CDH3: variants seen among roughly 807,000 people sequenced by gnomAD.
CDH3 encodes the protein cadherin-3.
Under a neutral mutation model 82.0 loss-of-function variants are expected in CDH3, and 54 were observed. The ratio of observed to expected loss-of-function variants is 0.66; its 90% CI spans 0.53 to 0.83. The LOEUF (loss-of-function observed/expected upper bound fraction) is 0.83. Ranked by LOEUF, CDH3 falls within the 40% of genes least tolerant of loss-of-function variation. CDH3 has a pLI of 0.00. For missense variants in CDH3, 1,054 were observed against 1,084.6 expected (o/e 0.97, Z 0.40); for synonymous variants, 446 against 437.9 (o/e 1.02, Z -0.23).
chr16:68,646,066 G>A (rs1248857948), intron 2 of CDH3: 6 of 401,610 alleles, frequency 1.5e-5, no homozygotes, highest in African/African-American at 4.1e-5. Context: ...CCCCAGCAGA[G>A]GAATGCGCCG....
At chr16:68,684,461 C>A in intron 9 of CDH3, 122 bp from the exon 10 acceptor site, 1 of 1,103,322 alleles carries the variant, frequency 9.1e-7, no homozygotes, top group Non-Finnish European at 1.4e-6. Context: ...AAGGGCAGCA[C>A]TGTTGCTAGT....
chr16:68,720,954 A>G (rs964902380), intron 1 of CDH3, among the ~76,000 whole-genome samples: 7 of 152,066 alleles, frequency 4.6e-5, no homozygotes, highest in Admixed American at 1.3e-4. Context: ...AGCACTTTGC[A>G]GGTATTAGTT....
rs557588434 is a variant in CDH3 at position 68,680,814 on chromosome 16, G to T, written c.868-154G>T. 2.0e-5 allele frequency among the ~76,000 whole-genome samples: 3 copies of T among 152,314 alleles called. No homozygotes were observed. The East Asian group carries it at 5.8e-4, about 29-fold the overall frequency. ...CAGCATCCTCTGCTTCTGTTCTCCTGGCAGTGGGTGAGGGGTGGTCAAGGA... is the reference window on the plus strand; with the variant it reads ...CAGCATCCTCTGCTTCTGTTCTCCTTGCAGTGGGTGAGGGGTGGTCAAGGA... On this transcript the variant is annotated intron_variant, in intron 7 of 15. Transcript: ENST00000264012.
At chr16:68,658,434 T>A (rs1394331935) in intron 2 of CDH3, among the ~76,000 whole-genome samples, 2 of 152,110 alleles carry the variant, frequency 1.3e-5, no homozygotes, top group East Asian at 3.8e-4. Flanking sequence ...AACTTCCCTG[T>A]GCGTGCATGG....
At chr16:68,701,544 A>ATTT (rs71382058), downstream of CDH3, among the ~76,000 whole-genome samples, 1 of 128,250 alleles carries the variant, frequency 7.8e-6, no homozygotes, top group African/African-American at 2.9e-5. Context: ...ATTACACACA[A>ATTT]TTTTTTTTTT....
intron 2 of CDH3, among the ~76,000 whole-genome samples, chr16:68,658,564 G>A (rs549769869): frequency 4.9e-4 from 75 of 152,182 alleles, no homozygotes; most frequent in African/African-American, 1.8e-3. Flanking sequence ...ACTGCCTTCT[G>A]AGCGGCCTTT....
chr16:68,671,171 T>TG (rs1160553709), intron 2 of CDH3, among the ~76,000 whole-genome samples: 3 of 151,588 alleles, frequency 2.0e-5, no homozygotes, highest in Non-Finnish European at 4.4e-5. Context: ...TTTTTTTTTT[T>TG]TAAGAGACAG....
At chr16:68,730,693 T>C (rs1429240903), downstream of CDH3, among the ~76,000 whole-genome samples, 2 of 152,060 alleles carry the variant, frequency 1.3e-5, no homozygotes, top group Admixed American at 1.3e-4. Flanking sequence ...GACTGAGATA[T>C]TTACAGGAGA....
At chr16:68,686,680 A>C in intron 11 of CDH3, 1 of 796,652 alleles carries the variant, frequency 1.3e-6, no homozygotes, top group South Asian at 1.3e-5. Flanking sequence ...GAAAGTACGT[A>C]GACTGAAATA....
chr16:68,710,534 C>T (rs1962013446), intron 1 of CDH3, among the ~76,000 whole-genome samples: 1 of 152,132 alleles, frequency 6.6e-6, no homozygotes, highest in African/African-American at 2.4e-5. Context: ...AGCACATGAT[C>T]CTCCCTCTGA....
At position 68,645,645 on chromosome 16, in the gene CDH3, C is replaced by T. The variant is rs1459715923; in HGVS notation, c.55C>T (p.Leu19=). 22 of 1,542,320 alleles carry T rather than the reference C, an allele frequency of 1.4e-5. No homozygotes were observed. The highest frequency in any genetic ancestry group is 1.8e-5 in the Non-Finnish European group (21 of 1,146,540). Residue 19 remains leucine (L), a synonymous_variant, in exon 2 of 16, where the codon CTG becomes TTG. Transcript: ENST00000264012. ...ASLLLLQVCW[L]QCAASEPCRA... is the part of the protein sequence containing the mutation. ...CTGCCCTCGGGCGCAGGTTTGCTGGCTGCAGTGCGCGGCCTCCGAGCCGTG... is the reference window on the plus strand; with the variant it reads ...CTGCCCTCGGGCGCAGGTTTGCTGGTTGCAGTGCGCGGCCTCCGAGCCGTG...
chr16:68,671,002 G>A (rs527673115), intron 2 of CDH3, among the ~76,000 whole-genome samples: 119 of 152,248 alleles, frequency 7.8e-4, no homozygotes, highest in African/African-American at 2.5e-3. Context: ...GAGCCCGGGA[G>A]GTGGAGGTTG....
intron 1 of CDH3, among the ~76,000 whole-genome samples, chr16:68,710,121 G>A (rs1435343335): frequency 6.6e-6 from 1 of 152,246 alleles, no homozygotes; most frequent in African/African-American, 2.4e-5. Context: ...GGGCGGGAAG[G>A]AGGGGAAGTG....
At position 68,663,055 on chromosome 16, in the gene CDH3, G is replaced by A. The variant is rs142276567; in HGVS notation, c.161-13330G>A. ...AGCTAATTTTTGTATTAGTACAGACGGAGTTTCACCATGTTGACCAGGCTG... is the reference window on the plus strand; with the variant it reads ...AGCTAATTTTTGTATTAGTACAGACAGAGTTTCACCATGTTGACCAGGCTG... On this transcript the variant is annotated intron_variant, in intron 2 of 15. Coordinates refer to ENST00000264012, the MANE Select transcript of CDH3 (RefSeq NM_001793.6). Among the ~76,000 whole-genome samples the A allele has an allele frequency of 7.3e-5, 11 of 150,270 alleles. No individual in the cohort carries two copies. In the East Asian group the frequency reaches 1.6e-3, roughly 22 times the overall value.
chr16:68,674,791 G>C (rs1960984019), intron 2 of CDH3, among the ~76,000 whole-genome samples: 1 of 152,120 alleles, frequency 6.6e-6, no homozygotes, highest in Admixed American at 6.5e-5. Flanking sequence ...TGAATACTTT[G>C]TCATGTCCAT....
chr16:68,695,936 A>G lies in CDH3; in HGVS notation c.2280+13A>G, dbSNP rs761659047. The G allele has an allele frequency of 5.0e-6, 8 of 1,613,544 alleles. No individual in the cohort carries two copies. The South Asian group carries it at 7.7e-5, about 16-fold the overall frequency. ...CTTTATAATTGAGGTGAGGCGTGGC[A>G]GGCCAGTCGAGGGCCACCCTTTATT... is the stretch of plus-strand genomic sequence containing the variant. On this transcript the variant is annotated intron_variant, in intron 15 of 15. Coordinates refer to ENST00000264012, the MANE Select transcript of CDH3 (RefSeq NM_001793.6).
chr16:68,646,587 C>T (rs1006538918), intron 2 of CDH3, among the ~76,000 whole-genome samples: 11 of 152,064 alleles, frequency 7.2e-5, no homozygotes, highest in African/African-American at 2.2e-4. Context: ...GTTATGAGAC[C>T]CAGGCGGTTG....
In CDH3 at chr16:68,681,210, G is replaced by T; in HGVS notation, c.996+114G>T. On this transcript the variant is annotated intron_variant, in intron 8 of 15. Transcript: ENST00000264012. Reference sequence around the variant, plus strand: ...TTCAAATGCCAGTCTCAGCACTATGGCTGTGTGACCTTAGGAAAACTACCT... The same window carrying T: ...TTCAAATGCCAGTCTCAGCACTATGTCTGTGTGACCTTAGGAAAACTACCT... 2.5e-6 allele frequency: 3 copies of T among 1,193,240 alleles called. No homozygotes were observed. In the South Asian group the frequency reaches 3.7e-5, roughly 15 times the overall value. 73.9% of individuals were successfully genotyped at this position (1,193,240 alleles called of 1,614,324 possible). A position where few individuals can be genotyped will look rare whatever the true frequency, so the allele number is the denominator to read the frequency against.
At chr16:68,686,795 A>C in intron 11 of CDH3, 1 of 528,090 alleles carries the variant, frequency 1.9e-6, no homozygotes, top group Non-Finnish European at 3.4e-6. Context: ...TAATAAACTA[A>C]TGATAACTAA....
Sources: allele counts gnomAD v4.1 joint callset (sites outside exome capture counted in the v4.1 genomes callset), GRCh38; gene constraint gnomAD v4.1.1; transcripts MANE v1.5; gene names NCBI Gene and HGNC (gene_info 2026-07-23, HGNC 2026-07-21).